SYN3: variants seen among roughly 807,000 people sequenced by gnomAD.
SYN3 encodes synapsin-3.
A neutral mutation model predicts 65.8 loss-of-function variants in SYN3; 35 were observed. The observed-to-expected ratio is 0.53, with a 90% CI of 0.41 to 0.70. SYN3 has a LOEUF of 0.70. Among genes scored for constraint, SYN3 ranks in the 30% least tolerant of loss-of-function variants. SYN3 has a pLI of 0.00. For synonymous variants in SYN3, 270 were observed against 292.9 expected, an observed-to-expected ratio of 0.92 and a Z score of 0.80; for missense variants, 680 against 749.0, an observed-to-expected ratio of 0.91 and a Z score of 1.08.
intron 6 of SYN3, among the ~76,000 whole-genome samples, chr22:32,729,026 C>T (rs1359518021): frequency 2.6e-5 from 4 of 152,170 alleles, no homozygotes; most frequent in Admixed American, 2.0e-4. Flanking sequence ...GGTGGGGTTA[C>T]CCCATCCTAA....
At chr22:32,615,432 T>TAAAAAAAAAAAAAAAA (rs1190319833) in intron 6 of SYN3, among the ~76,000 whole-genome samples, 12 of 74,380 alleles carry the variant, frequency 1.6e-4, no homozygotes, top group African/African-American at 4.0e-4. Flanking sequence ...AGACTTCATC[T>TAAAAAAAAAAAAAAAA]AAAAAAAAAA....
chr22:32,694,559 C>T (rs2060710571), intron 6 of SYN3, among the ~76,000 whole-genome samples: 1 of 152,138 alleles, frequency 6.6e-6, no homozygotes, highest in Non-Finnish European at 1.5e-5. Flanking sequence ...ATAGTTGGCC[C>T]TCCATGTCCC....
At chr22:32,661,952 A>AT (rs1421182784) in intron 6 of SYN3, among the ~76,000 whole-genome samples, 3 of 152,110 alleles carry the variant, frequency 2.0e-5, no homozygotes, top group Admixed American at 6.5e-5. Flanking sequence ...ACAAAGGATA[A>AT]TTTTTTTCCA....
chr22:33,030,473 A>C (rs1601933619), intron 1 of SYN3, among the ~76,000 whole-genome samples: 2 of 152,132 alleles, frequency 1.3e-5, no homozygotes, highest in East Asian at 3.9e-4. Flanking sequence ...AGACACAGAG[A>C]GACAGATATA....
At chr22:32,909,183 G>C (rs773199223) in intron 4 of SYN3, among the ~76,000 whole-genome samples, 1 of 152,198 alleles carries the variant, frequency 6.6e-6, no homozygotes, top group African/African-American at 2.4e-5. Flanking sequence ...ATGGTCTTTA[G>C]AGATACACCT....
At chr22:32,613,483 G>A (rs997587252) in intron 6 of SYN3, among the ~76,000 whole-genome samples, 1 of 152,106 alleles carries the variant, frequency 6.6e-6, no homozygotes, top group African/African-American at 2.4e-5. Context: ...GAAGCTTTGA[G>A]ACCTGGAGTT....
At chr22:33,017,480 TATC>T (rs2053487294) in intron 1 of SYN3, among the ~76,000 whole-genome samples, 1 of 152,212 alleles carries the variant, frequency 6.6e-6, no homozygotes, top group South Asian at 2.1e-4. Flanking sequence ...AGTACGGACA[TATC>T]ATTCTTCCAA....
At chr22:32,613,067 G>A (rs1391634339) in intron 6 of SYN3, among the ~76,000 whole-genome samples, 3 of 151,984 alleles carry the variant, frequency 2.0e-5, no homozygotes, top group Non-Finnish European at 4.4e-5. Context: ...CTGCTGCCAT[G>A]TGCAAATGTG....
chr22:32,820,156 C>T (rs1028730175), intron 6 of SYN3, among the ~76,000 whole-genome samples: 1 of 152,064 alleles, frequency 6.6e-6, no homozygotes, highest in African/African-American at 2.4e-5. Flanking sequence ...CAGGCCGTCT[C>T]TGAGGCTGGC....
At chr22:32,746,897 G>A (rs377093881) in intron 6 of SYN3, among the ~76,000 whole-genome samples, 42 of 152,294 alleles carry the variant, frequency 2.8e-4, no homozygotes, top group African/African-American at 8.2e-4. Context: ...AGGCTTAGCC[G>A]CCGGAGGCTT....
chr22:32,537,968 T>G, intron 9 of SYN3, 68 bp downstream of exon 9: 1 of 1,463,002 alleles, frequency 6.8e-7, no homozygotes. Context: ...TTCAGGGCCT[T>G]TTGTTGCATT....
At chr22:32,912,241 G>A (rs1185153299) in intron 4 of SYN3, among the ~76,000 whole-genome samples, 3 of 152,162 alleles carry the variant, frequency 2.0e-5, no homozygotes, top group South Asian at 2.1e-4. Flanking sequence ...TGGTTTCTCT[G>A]AGGAGTGACA....
At chr22:32,835,311 G>A (rs917815560) in intron 6 of SYN3, among the ~76,000 whole-genome samples, 5 of 152,168 alleles carry the variant, frequency 3.3e-5, no homozygotes, top group Non-Finnish European at 7.3e-5. Flanking sequence ...ATACAATTGT[G>A]AGCAAAGCAA....
intron 6 of SYN3, among the ~76,000 whole-genome samples, chr22:32,741,884 C>G (rs1176839254): frequency 6.6e-6 from 1 of 152,182 alleles, no homozygotes; most frequent in Non-Finnish European, 1.5e-5. Flanking sequence ...AACTCTTCCT[C>G]TTAACTAAGA....
intron 1 of SYN3, among the ~76,000 whole-genome samples, chr22:33,038,359 G>C (rs530510120): frequency 1.3e-5 from 2 of 152,212 alleles, no homozygotes. Context: ...TTACTGCTGC[G>C]GCGCTGCCTC....
chr22:32,525,701 T>A (rs960926694), intron 12 of SYN3, among the ~76,000 whole-genome samples: 1 of 132,542 alleles, frequency 7.5e-6, no homozygotes, highest in Non-Finnish European at 1.5e-5. Flanking sequence ...ACAAGGAGAC[T>A]CCGTCTCAAA....
intron 6 of SYN3, among the ~76,000 whole-genome samples, chr22:32,856,700 T>A (rs1035366855): frequency 7.9e-5 from 12 of 152,244 alleles, no homozygotes; most frequent in African/African-American, 2.4e-4. Flanking sequence ...TACTTTGAGA[T>A]ATACAATAAG....
chr22:32,832,734 C>T (rs2047613162), intron 6 of SYN3, among the ~76,000 whole-genome samples: 2 of 151,244 alleles, frequency 1.3e-5, no homozygotes, highest in South Asian at 4.2e-4. Context: ...TATACTCGCC[C>T]CTCTCTTTTT....
intron 6 of SYN3, among the ~76,000 whole-genome samples, chr22:32,829,967 G>A (rs1183131687): frequency 6.6e-6 from 1 of 152,156 alleles, no homozygotes; most frequent in Non-Finnish European, 1.5e-5. Flanking sequence ...TCTCTGCATT[G>A]CTCTGGGGTG....
Sources: allele counts gnomAD v4.1 joint callset (sites outside exome capture counted in the v4.1 genomes callset), GRCh38; gene constraint gnomAD v4.1.1; transcripts MANE v1.5; gene names NCBI Gene and HGNC (gene_info 2026-07-23, HGNC 2026-07-21).